Variants in CHD6 observed in about 807,000 individuals in gnomAD.
CHD6 encodes the protein ATP-dependent chromatin remodeler CHD6.
CHD6 carries 50 observed loss-of-function variants against 276.9 expected under a neutral mutation model. The observed-to-expected ratio is 0.18, with a 90% CI of 0.14 to 0.23. The LOEUF (loss-of-function observed/expected upper bound fraction) is 0.23, where lower values mean the gene tolerates loss of function less well. CHD6 is among the 10% of genes least tolerant of loss of function. CHD6 has a pLI of 1.00. For missense variants in CHD6, 2,564 were observed against 3,365.8 expected (o/e 0.76, Z 5.89); for synonymous variants, 1,173 against 1,229.3 (o/e 0.95, Z 0.96).
rs2043451502 is a variant in CHD6, at chr20:41,487,719, A to C, written c.1947T>G (p.Phe649Leu). The change falls in exon 14 of 37, where the codon TTT becomes TTG. Residue 649 changes from phenylalanine to leucine, a missense_variant. Transcript: ENST00000373233. The part of the protein sequence containing the change: ...SLLNFLEPSQ[F>L]PSETAFLEEF... Reference sequence around the variant, plus strand: ...CCTCCAAGAAAGCGGTCTCTGAAGGAAACTGTGATGGCTCCAGAAAATTTA... The same window carrying C: ...CCTCCAAGAAAGCGGTCTCTGAAGGCAACTGTGATGGCTCCAGAAAATTTA... The C allele has an allele frequency of 6.2e-7, 1 of 1,612,374 alleles. No homozygotes were observed. Among genetic ancestry groups the C allele is most frequent in the Non-Finnish European group, 8.5e-7 (1 of 1,179,576 alleles).
chr20:41,529,155 G>C (rs2044618007), intron 3 of CHD6, among the ~76,000 whole-genome samples: 1 of 152,092 alleles, frequency 6.6e-6, no homozygotes, highest in Non-Finnish European at 1.5e-5. Flanking sequence ...TTAACTTTTT[G>C]AACTTTCATT....
intron 31 of CHD6, among the ~76,000 whole-genome samples, chr20:41,420,138 C>T (rs1183319124): frequency 6.6e-6 from 1 of 152,160 alleles, no homozygotes; most frequent in Non-Finnish European, 1.5e-5. Flanking sequence ...TATTAAAGTG[C>T]AAGTTCCTAA....
chr20:41,440,740 T>C (rs1355214601), intron 25 of CHD6, among the ~76,000 whole-genome samples: 1 of 152,212 alleles, frequency 6.6e-6, no homozygotes, highest in African/African-American at 2.4e-5. Flanking sequence ...CAAAACAATT[T>C]TAAAAACCCT....
At chr20:41,515,862 T>C (rs1193881085) in intron 3 of CHD6, among the ~76,000 whole-genome samples, 2 of 152,228 alleles carry the variant, frequency 1.3e-5, no homozygotes, top group East Asian at 3.8e-4. Context: ...GTCTTATGCT[T>C]TATGCATAGT....
chr20:41,610,566 C>T (rs1307059738), intron 1 of CHD6, among the ~76,000 whole-genome samples: 2 of 152,074 alleles, frequency 1.3e-5, no homozygotes, highest in Non-Finnish European at 2.9e-5. Flanking sequence ...TCGAGACCAT[C>T]CTGGCTAACA....
chr20:41,533,787 T>C (rs1203628393), intron 2 of CHD6, among the ~76,000 whole-genome samples: 2 of 152,208 alleles, frequency 1.3e-5, no homozygotes. Context: ...GTTAGCATAC[T>C]AAATCAGGAT....
At chr20:41,423,850 C>T (rs2047276177) in intron 29 of CHD6, 150 bp from the exon 30 acceptor site, 1 of 640,946 alleles carries the variant, frequency 1.6e-6, no homozygotes, top group Non-Finnish European at 2.7e-6. Flanking sequence ...TTAAGTTAAA[C>T]TGGGCTGAAG....
Position 41,425,364 on chromosome 20 carries a change from G to C in CHD6, c.4160C>G (p.Pro1387Arg), listed in dbSNP as rs138612296. 1.2e-6 allele frequency: 2 copies of C among 1,614,138 alleles called. No homozygotes were observed. Among genetic ancestry groups the C allele is most frequent in the Non-Finnish European group, 1.7e-6 (2 of 1,180,028 alleles). ...AQDGSDPDKS[P>R]WPVSSALTAR... ...TGTGAGGGCGGAGGAAACTGGCCAG[G>C]GCGATTTGTCTGGGTCGGAGCCATC... is the stretch of plus-strand genomic sequence containing the variant. The change falls in exon 29 of 37, where the codon CCC becomes CGC. Residue 1387 changes from proline (P) to arginine (R), a missense_variant. Physicochemically the swap from Pro to Arg is moderately radical, Grantham distance 103 (BLOSUM62 -2). Around this residue, in one of 7 missense-constraint regions of CHD6, gnomAD observed 515 missense variants for 739.5 expected, o/e 0.70. Coordinates refer to ENST00000373233, the MANE Select transcript of CHD6 (RefSeq NM_032221.5).
intron 1 of CHD6, among the ~76,000 whole-genome samples, chr20:41,565,160 G>A (rs754388402): frequency 3.8e-4 from 57 of 151,180 alleles, no homozygotes; most frequent in Admixed American, 8.6e-4. Flanking sequence ...GCAGTGGCGC[G>A]ATCTCAGCTC....
intron 17 of CHD6, among the ~76,000 whole-genome samples, chr20:41,462,458 T>A (rs1435880022): frequency 6.6e-6 from 1 of 152,244 alleles, no homozygotes; most frequent in African/African-American, 2.4e-5. Context: ...CACTTGAAAG[T>A]AGGTTTATTT....
intron 16 of CHD6, among the ~76,000 whole-genome samples, chr20:41,481,981 G>A (rs1036237556): frequency 6.6e-6 from 1 of 152,030 alleles, no homozygotes; most frequent in Admixed American, 6.6e-5. Flanking sequence ...AGTTGTGCAG[G>A]TGGTAGTGTT....
chr20:41,420,867 G>T lies in CHD6; in HGVS notation c.5768C>A (p.Thr1923Asn). ...KKGSLEVANQTPGLQRAFPAP... is the reference protein window; with the variant it reads ...KKGSLEVANQNPGLQRAFPAP... The stretch of plus-strand genomic sequence containing the variant: ...GGGGAAAGCCCTCTGTAGCCCAGGA[G>T]TCTGGTTTGCCACCTCTAAGCTTCC... The change falls in exon 31 of 37, where the codon ACT becomes AAT. Residue 1923 changes from threonine to asparagine, a missense_variant. Physicochemically the swap from Thr to Asn is moderately conservative, Grantham distance 65 (BLOSUM62 0). Around this residue, in one of 7 missense-constraint regions of CHD6, gnomAD observed 1,024 missense variants for 1,047.9 expected, o/e 0.98. Coordinates refer to ENST00000373233, the MANE Select transcript of CHD6 (RefSeq NM_032221.5). 6.2e-7 allele frequency: 1 copy of T among 1,614,218 alleles called. No homozygotes were observed. Among genetic ancestry groups the T allele is most frequent in the Non-Finnish European group, 8.5e-7 (1 of 1,180,054 alleles).
chr20:41,489,751 G>C (rs1191992762), intron 12 of CHD6, 27 bp downstream of exon 12: 1 of 1,613,198 alleles, frequency 6.2e-7, no homozygotes, highest in East Asian at 2.2e-5. Context: ...GGCAGTCCCT[G>C]GGTCTCTGAT....
intron 36 of CHD6, among the ~76,000 whole-genome samples, chr20:41,411,191 C>G (rs577496935): frequency 7.7e-6 from 1 of 129,896 alleles, no homozygotes; most frequent in Non-Finnish European, 1.6e-5. Context: ...GGTGGAGCTA[C>G]TAGACCAGCG....
At chr20:41,577,911 A>C (rs991035388) in intron 1 of CHD6, among the ~76,000 whole-genome samples, 18 of 152,264 alleles carry the variant, frequency 1.2e-4, no homozygotes, top group Admixed American at 1.2e-3. Context: ...TCTACAAAAC[A>C]TGACAATCAT....
chr20:41,517,689 A>G (rs1331747363), intron 3 of CHD6, among the ~76,000 whole-genome samples: 1 of 152,236 alleles, frequency 6.6e-6, no homozygotes, highest in East Asian at 1.9e-4. Flanking sequence ...AGCAAATTAC[A>G]TTCTACAAAG....
chr20:41,550,671 C>A (rs924564588), intron 2 of CHD6, among the ~76,000 whole-genome samples: 7 of 152,168 alleles, frequency 4.6e-5, no homozygotes, highest in African/African-American at 1.7e-4. Context: ...ACAGAAATAG[C>A]CCATTTCCAA....
In CHD6 at chr20:41,404,364, CAG is replaced by C; in HGVS notation, c.*227_*228del. The C allele has an allele frequency of 8.0e-7, 1 of 1,243,724 alleles. No individual in the cohort carries two copies. Among genetic ancestry groups the C allele is most frequent in the African/African-American group, 1.5e-5 (1 of 65,480 alleles). The allele number at this position is 1,243,724 out of a possible 1,614,324, so 77.0% of individuals were successfully genotyped here. A position where few individuals can be genotyped will look rare whatever the true frequency, so the allele number is the denominator to read the frequency against. On this transcript the variant is annotated 3_prime_UTR_variant, in exon 37 of 37. Coordinates refer to ENST00000373233, the MANE Select transcript of CHD6 (RefSeq NM_032221.5). Reference sequence around the variant, plus strand: ...ATGATTGCTGGAATGAACTGGATAACAGAATGAGAATTCTGTGCCTCCTAGAC... The same window carrying C: ...ATGATTGCTGGAATGAACTGGATAACAATGAGAATTCTGTGCCTCCTAGAC...
intron 2 of CHD6, 26 bp downstream of exon 2, chr20:41,551,279 C>A: frequency 6.9e-7 from 1 of 1,441,688 alleles, no homozygotes; most frequent in South Asian, 1.2e-5. Context: ...CGGATGCATT[C>A]ACTTAAAAGA....
Sources: gnomAD v4.1 joint callset for allele counts (sites outside exome capture counted in the v4.1 genomes callset) on GRCh38, gnomAD v4.1.1 for gene constraint, gnomAD v4.1.1 regional missense constraint, MANE v1.5 for transcripts, NCBI Gene and HGNC (gene_info 2026-07-23, HGNC 2026-07-21) for gene names.